The following AK9 variants were observed in gnomAD, a reference collection of about 807,000 sequenced individuals.
AK9 encodes the protein adenylate kinase domain containing 1.
AK9 carries 191 observed loss-of-function variants against 239.6 expected under a neutral mutation model. The observed-to-expected ratio is 0.80, with a 90% CI of 0.71 to 0.90. AK9 has a LOEUF of 0.90. Among genes scored for constraint, AK9 ranks in the 40% least tolerant of loss-of-function variants. The pLI is 0.00. For missense variants in AK9, 1,995 were observed against 2,214.7 expected, an observed-to-expected ratio of 0.90 and a Z score of 1.99; for synonymous variants, 689 against 721.0, an observed-to-expected ratio of 0.96 and a Z score of 0.71.
At chr6:109,618,233 T>G (rs1794405181) in intron 13 of AK9, among the ~76,000 whole-genome samples, 1 of 152,042 alleles carries the variant, frequency 6.6e-6, no homozygotes, top group African/African-American at 2.4e-5. Context: ...GTGAGGAAGA[T>G]CCCATGTTGT....
Position 109,610,524 on chromosome 6 carries a change from A to AT in AK9, c.1694-12dup. 2 of 1,546,556 alleles carry AT rather than the reference A, an allele frequency of 1.3e-6. No individual in the cohort carries two copies. The highest frequency in any genetic ancestry group is 1.7e-6 in the Non-Finnish European group (2 of 1,145,052). The stretch of plus-strand genomic sequence containing the variant: ...AGTCTTCTGTTGGGGCTAAAGTAAA[A>AT]TAAGCTGATAAATTAATGCCATTAA... On this transcript the variant is annotated splice_polypyrimidine_tract_variant and intron_variant, in intron 16 of 40. Coordinates refer to ENST00000424296, the MANE Select transcript of AK9 (RefSeq NM_001145128.3).
chr6:109,678,595 A>C (rs1419862443), intron 1 of AK9, among the ~76,000 whole-genome samples: 2 of 152,154 alleles, frequency 1.3e-5, no homozygotes, highest in Non-Finnish European at 2.9e-5. Context: ...AGTTATCTCA[A>C]AATGAAAAGT....
At chr6:109,605,847 AT>A (rs1342345798) in intron 17 of AK9, among the ~76,000 whole-genome samples, 10 of 152,086 alleles carry the variant, frequency 6.6e-5, no homozygotes, top group African/African-American at 2.4e-4. Flanking sequence ...CTTAGTTGGG[AT>A]AACTGTGGGG....
intron 35 of AK9, among the ~76,000 whole-genome samples, chr6:109,500,933 A>G (rs1012438478): frequency 2.2e-4 from 33 of 152,158 alleles, no homozygotes; most frequent in African/African-American, 7.5e-4. Flanking sequence ...TGGGAGGAAC[A>G]CTTGAGCTTG....
chr6:109,555,315 G>C (rs1784866238), intron 24 of AK9, among the ~76,000 whole-genome samples: 1 of 152,176 alleles, frequency 6.6e-6, no homozygotes, highest in Non-Finnish European at 1.5e-5. Context: ...ATGAAATTGT[G>C]TGATTTTGAA....
At chr6:109,674,301 T>C in intron 2 of AK9, 40 bp from the exon 3 acceptor site, 1 of 1,406,586 alleles carries the variant, frequency 7.1e-7, no homozygotes, top group Non-Finnish European at 9.6e-7. Context: ...AATAGAACAG[T>C]TACTTGCCAG....
intron 13 of AK9, 102 bp downstream of exon 13, chr6:109,618,990 T>G (rs1356803060): frequency 2.4e-6 from 3 of 1,274,012 alleles, no homozygotes; most frequent in Non-Finnish European, 2.1e-6. Context: ...ATGTGTAAAG[T>G]GCCAAGAATG....
In AK9 at chr6:109,586,045, G is replaced by C; in HGVS notation, c.1870C>G (p.Pro624Ala). The change falls in exon 18 of 41, where the codon CCT becomes GCT. Residue 624 changes from proline to alanine, a missense_variant. By Grantham distance (27) the Pro-to-Ala change is conservative. Transcript: ENST00000424296. Reference protein sequence around the residue: ...EVMEENKDRFPGAPKYGGWIV... With the variant: ...EVMEENKDRFAGAPKYGGWIV... ...CAGCCTCCATATTTTGGGGCACCAG[G>C]AAACCTATCCTTGTTTTCTTCCATT... is the stretch of plus-strand genomic sequence containing the variant. 1 of 1,551,064 alleles carries C rather than the reference G, an allele frequency of 6.4e-7. No homozygotes were observed. The highest frequency in any genetic ancestry group is 2.4e-5 in the East Asian group (1 of 40,878).
Position 109,506,709 on chromosome 6 carries a change from C to A in AK9, c.4573G>T (p.Val1525Leu). 1 of 1,539,310 alleles carries A rather than the reference C, an allele frequency of 6.5e-7. No individual in the cohort carries two copies. The highest frequency in any genetic ancestry group is 8.8e-7 in the Non-Finnish European group (1 of 1,137,974). Residue 1525 changes from valine to leucine, a missense_variant, in exon 34 of 41, where the codon GTG (valine) becomes TTG (leucine). Val to Leu is a conservative substitution (Grantham distance 32). Coordinates refer to ENST00000424296, the MANE Select transcript of AK9 (RefSeq NM_001145128.3). ...IIPMVIFELS[V>L]PSKEIFKRLL... ...CTTTTGAAAATCTCCTTGGAAGGCA[C>A]ACTCAATTCAAAGATGACCATGGGA... is the stretch of plus-strand genomic sequence containing the variant.
Position 109,632,892 on chromosome 6 carries a change from T to C in AK9, c.1254+31A>G, listed in dbSNP as rs111277350. 11 of 1,598,584 alleles carry C rather than the reference T, an allele frequency of 6.9e-6. No homozygotes were observed. The African/African-American group carries it at 1.3e-4, about 20-fold the overall frequency. The stretch of plus-strand genomic sequence containing the variant: ...ATAGATAGATAGATAGATAGATAGA[T>C]AGATAGATAGACAGATAGTTAGTTA... On this transcript the variant is annotated intron_variant, in intron 12 of 40. Transcript: ENST00000424296.
intron 17 of AK9, among the ~76,000 whole-genome samples, chr6:109,597,439 G>C (rs1310122697): frequency 2.6e-5 from 4 of 151,736 alleles, no homozygotes; most frequent in Non-Finnish European, 4.4e-5. Flanking sequence ...TTGGGAGGCC[G>C]AGGCGGGCAG....
At chr6:109,586,113 C>A in intron 17 of AK9, 41 bp from the exon 18 acceptor site, 3 of 1,478,862 alleles carry the variant, frequency 2.0e-6, no homozygotes, top group Non-Finnish European at 2.7e-6. Flanking sequence ...CATAGCTTGA[C>A]AAGTCAAGGA....
chr6:109,635,030 G>A (rs1469345545), intron 10 of AK9, among the ~76,000 whole-genome samples: 1 of 152,118 alleles, frequency 6.6e-6, no homozygotes, highest in Non-Finnish European at 1.5e-5. Flanking sequence ...GATCAGGACT[G>A]GCTTCTGGTT....
At chr6:109,537,156 T>G (rs971933849) in intron 27 of AK9, among the ~76,000 whole-genome samples, 14 of 152,210 alleles carry the variant, frequency 9.2e-5, no homozygotes, top group Non-Finnish European at 1.3e-4. Context: ...TTTCTATTGA[T>G]TGGAATAGTT....
At position 109,682,145 on chromosome 6, in the gene AK9, G is replaced by T. The variant is rs543910985; in HGVS notation, c.-11-6389C>A. On this transcript the variant is annotated intron_variant, in intron 1 of 40. Coordinates refer to ENST00000424296, the MANE Select transcript of AK9 (RefSeq NM_001145128.3). Reference sequence around the variant, plus strand: ...AACCCTTCAAAAAATCAATGAATTGGCTGGGCATGGTGGCTCATGCCTGTA... The same window carrying T: ...AACCCTTCAAAAAATCAATGAATTGTCTGGGCATGGTGGCTCATGCCTGTA... Among the ~76,000 whole-genome samples, 382 of 152,202 alleles carry T rather than the reference G, an allele frequency of 2.5e-3. 1 individual carries two copies. The highest frequency in any genetic ancestry group is 6.0e-3 in the Admixed American group (92 of 15,286).
At chr6:109,618,731 T>C (rs966297466) in intron 13 of AK9, among the ~76,000 whole-genome samples, 11 of 152,210 alleles carry the variant, frequency 7.2e-5, no homozygotes, top group African/African-American at 2.7e-4. Flanking sequence ...GACTGCCATA[T>C]AAGTCTAAAA....
chr6:109,607,711 T>G (rs1261469434), intron 17 of AK9, among the ~76,000 whole-genome samples: 1 of 151,610 alleles, frequency 6.6e-6, no homozygotes, highest in African/African-American at 2.4e-5. Context: ...AAGATGATAG[T>G]CTTAACCAAA....
rs146685477 is a variant in AK9, at chr6:109,597,311, C to G, written c.1843-11239G>C. Among the ~76,000 whole-genome samples the G allele has an allele frequency of 6.9e-3, 1,047 of 152,160 alleles. 14 individuals carry two copies. The highest frequency in any genetic ancestry group is 0.024 in the African/African-American group (1,013 of 41,522). On this transcript the variant is annotated intron_variant, in intron 17 of 40. Transcript: ENST00000424296. ...TATTACCAATTGTCAAAAACTTTGC[C>G]AATTAGATGAGAAATTGTATCTCAT... is the stretch of plus-strand genomic sequence containing the variant.
At chr6:109,650,933 G>C (rs1562553930) in intron 8 of AK9, among the ~76,000 whole-genome samples, 1 of 152,120 alleles carries the variant, frequency 6.6e-6, no homozygotes, top group Non-Finnish European at 1.5e-5. Context: ...CCTTTGTAGG[G>C]ACATGGATGA....
Sources: allele counts gnomAD v4.1 joint callset (sites outside exome capture counted in the v4.1 genomes callset), GRCh38; gene constraint gnomAD v4.1.1; transcripts MANE v1.5; gene names NCBI Gene and HGNC (gene_info 2026-07-23, HGNC 2026-07-21).